The following DNAH10 variants were observed in gnomAD, a reference collection of about 807,000 sequenced individuals.
DNAH10 encodes the protein dynein axonemal heavy chain 10.
In DNAH10, 348 loss-of-function variants were observed where a neutral mutation model predicts 506.6. The observed-to-expected ratio is 0.69, with a 90% CI of 0.63 to 0.75. DNAH10 has a LOEUF of 0.75. Among genes scored for constraint, DNAH10 ranks in the 30% least tolerant of loss-of-function variants. The probability of loss-of-function intolerance (pLI) is 0.00; values close to 1 mark genes in which losing one functional copy is unlikely to be tolerated. For missense variants in DNAH10, 5,179 were observed against 5,787.1 expected (o/e 0.89, Z 3.41); for synonymous variants, 2,059 against 2,198.6 (o/e 0.94, Z 1.78).
At chr12:123,764,334 C>T (rs1412040098) in intron 1 of DNAH10, among the ~76,000 whole-genome samples, 1 of 152,044 alleles carries the variant, frequency 6.6e-6, no homozygotes, top group Non-Finnish European at 1.5e-5. Flanking sequence ...ATTTTTTTCT[C>T]CCTGGCAGAC....
In DNAH10 at chr12:123,774,244, C is replaced by A; in HGVS notation, c.601C>A (p.Leu201Met). 6.2e-7 allele frequency: 1 copy of A among 1,602,016 alleles called. No homozygotes were observed. Among genetic ancestry groups the A allele is most frequent in the Non-Finnish European group, 8.5e-7 (1 of 1,175,728 alleles). ...GIINANVLHFLKNIICQVFLP... is the reference protein window; with the variant it reads ...GIINANVLHFMKNIICQVFLP... Reference sequence around the variant, plus strand: ...TATAAACGCTAATGTGCTCCATTTTCTGAAGAATATTATATGTCAGGTAAA... The same window carrying A: ...TATAAACGCTAATGTGCTCCATTTTATGAAGAATATTATATGTCAGGTAAA... The change falls in exon 5 of 79, where the codon CTG becomes ATG. Residue 201 changes from leucine to methionine, a missense_variant. By Grantham distance (15) the Leu-to-Met change is conservative. Transcript: ENST00000673944.
At chr12:123,828,202 A>G (rs958795771) in intron 25 of DNAH10, among the ~76,000 whole-genome samples, 3 of 152,030 alleles carry the variant, frequency 2.0e-5, no homozygotes, top group East Asian at 1.9e-4. Context: ...AAACTAGCTC[A>G]AAACAGTCGC....
Position 123,871,460 on chromosome 12 carries a change from A to G in DNAH10, c.7643A>G (p.His2548Arg), listed in dbSNP as rs190320304. 2.3e-5 allele frequency: 36 copies of G among 1,587,376 alleles called. No homozygotes were observed. In the Admixed American group the frequency reaches 6.0e-4, roughly 27 times the overall value. Residue 2548 changes from histidine (H) to arginine (R), a missense_variant, in exon 45 of 79, where the codon CAC (histidine) becomes CGC (arginine). Coordinates refer to ENST00000673944, the MANE Select transcript of DNAH10 (RefSeq NM_001372106.1). ...CTGTTCCTAATGTCTACTTTAGTTC[A>G]CACAGTGGATACCACTCGGACTACC... ...PERKFINILV[H>R]TVDTTRTTWI...
rs144995645 is a variant in DNAH10, at chr12:123,860,011, C to T, written c.6749+743C>T. On this transcript the variant is annotated intron_variant, in intron 38 of 78. Transcript: ENST00000673944. ...TGCCACTGCACACCAGCCTGGGCAACAGAGTGAGACCTTCTCTCTAAAAAA... is the reference window on the plus strand; with the variant it reads ...TGCCACTGCACACCAGCCTGGGCAATAGAGTGAGACCTTCTCTCTAAAAAA... Among the ~76,000 whole-genome samples the T allele has an allele frequency of 8.8e-4, 130 of 147,184 alleles. 1 individual carries two copies. The highest frequency in any genetic ancestry group is 3.2e-3 in the African/African-American group (125 of 39,586).
At chr12:123,911,207 G>A (rs1316711201) in intron 59 of DNAH10, among the ~76,000 whole-genome samples, 9 of 130,074 alleles carry the variant, frequency 6.9e-5, no homozygotes, top group African/African-American at 2.4e-4. Context: ...GTTTAAAGTT[G>A]TTTCTCTAGG....
chr12:123,897,488 C>T (rs943519510), intron 54 of DNAH10, among the ~76,000 whole-genome samples: 4 of 152,186 alleles, frequency 2.6e-5, no homozygotes, highest in Non-Finnish European at 5.9e-5. Flanking sequence ...CTTTGTGGGG[C>T]TGAGGTGGAC....
chr12:123,859,470 C>T (rs975131123), intron 38 of DNAH10, among the ~76,000 whole-genome samples: 7 of 152,124 alleles, frequency 4.6e-5, no homozygotes, highest in South Asian at 2.1e-4. Flanking sequence ...AATAGCAACC[C>T]GCTTGTGCAT....
chr12:123,805,199 T>C (rs1180424046), intron 18 of DNAH10, among the ~76,000 whole-genome samples, 159 bp downstream of exon 18: 1 of 152,144 alleles, frequency 6.6e-6, no homozygotes, highest in Non-Finnish European at 1.5e-5. Context: ...GGGGATGACC[T>C]TCATGATCTT....
intron 9 of DNAH10, among the ~76,000 whole-genome samples, chr12:123,786,257 C>T (rs1957846332): frequency 6.7e-6 from 1 of 150,328 alleles, no homozygotes; most frequent in East Asian, 1.9e-4. Flanking sequence ...GCGGAGGTTG[C>T]AGTGAGTGGA....
At chr12:123,857,551 A>T (rs1285580195) in intron 37 of DNAH10, among the ~76,000 whole-genome samples, 3 of 152,068 alleles carry the variant, frequency 2.0e-5, no homozygotes, top group Non-Finnish European at 4.4e-5. Flanking sequence ...AACGTGGAGA[A>T]ACCCCATCTC....
intron 19 of DNAH10, 92 bp downstream of exon 19, chr12:123,809,045 C>A: frequency 6.9e-7 from 1 of 1,446,254 alleles, no homozygotes. Flanking sequence ...TGAGCCACTG[C>A]CCAAGGTGGA....
In DNAH10 at chr12:123,929,491, G is replaced by A; in HGVS notation, c.12516+7G>A. 1.2e-6 allele frequency: 2 copies of A among 1,611,448 alleles called. No individual in the cohort carries two copies. The highest frequency in any genetic ancestry group is 2.2e-5 in the East Asian group (1 of 44,832). Reference sequence around the variant, plus strand: ...CAATGAGTCTGACTTCCAGGTGACAGTGGCTGCTTCTCCTTGGAAATGGCT... The same window carrying A: ...CAATGAGTCTGACTTCCAGGTGACAATGGCTGCTTCTCCTTGGAAATGGCT... On this transcript the variant is annotated splice_region_variant and intron_variant, in intron 71 of 78. Coordinates refer to ENST00000673944, the MANE Select transcript of DNAH10 (RefSeq NM_001372106.1).
intron 28 of DNAH10, 79 bp downstream of exon 28, chr12:123,835,607 T>C (rs985607654): frequency 2.4e-5 from 37 of 1,518,104 alleles, no homozygotes; most frequent in Non-Finnish European, 3.3e-5. Flanking sequence ...TTGCACATTG[T>C]ATTTTCTCCA....
chr12:123,935,026 G>A (rs575492318), intron 78 of DNAH10: 13 of 605,782 alleles, frequency 2.1e-5, no homozygotes, highest in Non-Finnish European at 3.5e-5. Context: ...CTAACCAAGG[G>A]GAGACTCCCT....
At chr12:123,809,039 C>A in intron 19 of DNAH10, 86 bp downstream of exon 19, 1 of 1,488,414 alleles carries the variant, frequency 6.7e-7, no homozygotes, top group Non-Finnish European at 9.2e-7. Context: ...TAGGCGTGAG[C>A]CACTGCCCAA....
chr12:123,931,532 A>T, intron 74 of DNAH10, 60 bp downstream of exon 74: 1 of 1,606,724 alleles, frequency 6.2e-7, no homozygotes, highest in Middle Eastern at 1.7e-4. Flanking sequence ...TGCTTCTTGT[A>T]GCCCTCCCAC....
At chr12:123,833,436 A>G (rs770087645) in intron 27 of DNAH10, 89 bp downstream of exon 27, 30 of 1,003,400 alleles carry the variant, frequency 3.0e-5, no homozygotes, top group Non-Finnish European at 4.4e-5. Flanking sequence ...GAACTTTTAT[A>G]TGAGGATATT....
chr12:123,866,879 C>T (rs1284373396), intron 41 of DNAH10, among the ~76,000 whole-genome samples: 4 of 152,330 alleles, frequency 2.6e-5, no homozygotes, highest in African/African-American at 7.2e-5. Flanking sequence ...TGTGGCTCAA[C>T]CACACCTAGG....
chr12:123,796,564 C>A, intron 12 of DNAH10, 92 bp from the exon 13 acceptor site: 2 of 1,172,494 alleles, frequency 1.7e-6, no homozygotes, highest in Non-Finnish European at 2.4e-6. Flanking sequence ...TTTGACATTC[C>A]ACTTTTGGTT....
Sources: gnomAD v4.1 joint callset for allele counts (sites outside exome capture counted in the v4.1 genomes callset) on GRCh38, gnomAD v4.1.1 for gene constraint, MANE v1.5 for transcripts, NCBI Gene and HGNC (gene_info 2026-07-23, HGNC 2026-07-21) for gene names.